The following UGT1A6 variants were observed in gnomAD, a reference collection of about 807,000 sequenced individuals.
The protein encoded by UGT1A6 is UDP glucuronosyltransferase family 1 member A6, also known as UDP-glucuronosyltransferase 1A6.
A neutral mutation model predicts 44.4 loss-of-function variants in UGT1A6; 32 were observed. The ratio of observed to expected loss-of-function variants is 0.72; its 90% confidence interval spans 0.54 to 0.97. The LOEUF (loss-of-function observed/expected upper bound fraction) is 0.97. Among genes scored for constraint, UGT1A6 ranks in the 50% least tolerant of loss-of-function variants. UGT1A6 has a pLI of 0.00. For synonymous variants in UGT1A6, 238 were observed against 248.5 expected, an observed-to-expected ratio of 0.96 and a Z score of 0.40; for missense variants, 685 against 661.9, an observed-to-expected ratio of 1.03 and a Z score of -0.38.
At chr2:233,760,651 A>G (rs1358018329) in intron 1 of UGT1A6, 1 of 1,614,196 alleles carries the variant, frequency 6.2e-7, no homozygotes, top group South Asian at 1.1e-5. Context: ...GGACTCTGCT[A>G]TGCTTTTGTC....
chr2:233,693,668 T>C lies in UGT1A6; in HGVS notation c.664T>C (p.Phe222Leu). ...FLVNLLEPYL[F>L]YCLFSKYEEL... ...TGTTAATTTGTTGGAGCCCTATCTA[T>C]TTTATTGTCTGTTTTCAAAGTATGA... Residue 222 changes from phenylalanine to leucine, a missense_variant, in exon 1 of 5, where the codon TTT (phenylalanine) becomes CTT (leucine). Transcript: ENST00000305139. The C allele has an allele frequency of 6.2e-7, 1 of 1,614,236 alleles. No individual in the cohort carries two copies. Among genetic ancestry groups the C allele is most frequent in the South Asian group, 1.1e-5 (1 of 91,086 alleles).
At chr2:233,743,758 G>C (rs761738753) in intron 1 of UGT1A6, 2 of 1,367,326 alleles carry the variant, frequency 1.5e-6, no homozygotes, top group African/African-American at 1.5e-5. Flanking sequence ...ACAACACCTC[G>C]TAGGCCTCGG....
Position 233,760,573 on chromosome 2 carries a change from G to A in UGT1A6, c.862-6461G>A, listed in dbSNP as rs1208621089. The A allele has an allele frequency of 1.1e-5, 18 of 1,614,052 alleles. No individual in the cohort carries two copies. The highest frequency in any genetic ancestry group is 2.7e-5 in the African/African-American group (2 of 74,912). ...TGTGAAAGAGTCTTTTGTTAGTCTC[G>A]GGCATAATGTTTTTGAGAATGATTC... On this transcript the variant is annotated intron_variant, in intron 1 of 4. Coordinates refer to ENST00000305139, the MANE Select transcript of UGT1A6 (RefSeq NM_001072.4).
At chr2:233,724,968 T>G (rs1288341370) in intron 1 of UGT1A6, among the ~76,000 whole-genome samples, 5 of 135,284 alleles carry the variant, frequency 3.7e-5, no homozygotes, top group Non-Finnish European at 8.0e-5. Context: ...AGGCCGAGGT[T>G]GGCGGATCAC....
intron 1 of UGT1A6, chr2:233,754,969 T>C: frequency 7.7e-7 from 1 of 1,302,646 alleles, no homozygotes; most frequent in African/African-American, 1.5e-5. Flanking sequence ...AAGAACTCCC[T>C]GAAGACCTCG....
At chr2:233,766,898 A>T in intron 1 of UGT1A6, 136 bp from the exon 2 acceptor site, 1 of 1,483,786 alleles carries the variant, frequency 6.7e-7, no homozygotes, top group Non-Finnish European at 8.9e-7. Flanking sequence ...ACATATTAAT[A>T]ATTTTTTACT....
intron 1 of UGT1A6, among the ~76,000 whole-genome samples, chr2:233,724,139 G>A (rs2077174817): frequency 8.1e-6 from 1 of 123,450 alleles, no homozygotes; most frequent in South Asian, 2.8e-4. Context: ...TCCCGGACGG[G>A]GCGGCTGGCC....
chr2:233,720,776 G>A (rs569960725), intron 1 of UGT1A6, among the ~76,000 whole-genome samples: 7 of 148,022 alleles, frequency 4.7e-5, no homozygotes, highest in Admixed American at 2.0e-4. Flanking sequence ...CCGGATCTCC[G>A]CTCACTGCAA....
rs1316565909 is a variant in UGT1A6, at chr2:233,767,035, A to G, written c.863A>G (p.Glu288Gly). 6.2e-7 allele frequency: 1 copy of G among 1,614,064 alleles called. No homozygotes were observed. The highest frequency in any genetic ancestry group is 1.7e-5 in the Admixed American group (1 of 60,022). ...NCKKRKDLSQ[E>G]FEAYINASGE... The stretch of plus-strand genomic sequence containing the variant: ...TGAAAATTTTTCTTCTGGCTCTAGG[A>G]ATTTGAAGCCTACATTAATGCTTCT... The change falls in exon 2 of 5, where the codon GAA (glutamate) becomes GGA (glycine). Residue 288 changes from glutamate to glycine, a missense_variant and splice_region_variant. Coordinates refer to ENST00000305139, the MANE Select transcript of UGT1A6 (RefSeq NM_001072.4).
At chr2:233,717,118 A>C (rs1390690022) in intron 1 of UGT1A6, among the ~76,000 whole-genome samples, 1 of 152,100 alleles carries the variant, frequency 6.6e-6, no homozygotes, top group Non-Finnish European at 1.5e-5. Context: ...ACACCACTAC[A>C]TGGAAATAGA....
intron 1 of UGT1A6, among the ~76,000 whole-genome samples, chr2:233,738,389 G>A (rs1690778060): frequency 6.6e-6 from 1 of 152,226 alleles, no homozygotes; most frequent in Non-Finnish European, 1.5e-5. Context: ...AAATGTGGAA[G>A]TGACTTGGAA....
At chr2:233,760,854 A>G (rs1484529222) in intron 1 of UGT1A6, 1 of 1,613,796 alleles carries the variant, frequency 6.2e-7, no homozygotes, top group Non-Finnish European at 8.5e-7. Context: ...GCCCCAACCC[A>G]TTCTCCTACG....
At chr2:233,706,564 T>A (rs2125604446) in intron 1 of UGT1A6, among the ~76,000 whole-genome samples, 1 of 152,250 alleles carries the variant, frequency 6.6e-6, no homozygotes, top group South Asian at 2.1e-4. Flanking sequence ...TCTCAAACCT[T>A]AGGGTAAGAG....
At chr2:233,746,742 CAAAGCAGAGATT>C (rs1462654911) in intron 1 of UGT1A6, among the ~76,000 whole-genome samples, 1 of 151,752 alleles carries the variant, frequency 6.6e-6, no homozygotes, top group East Asian at 1.9e-4. Context: ...GCTTTGGTTC[CAAAGCAGAGATT>C]AATTGGATTG....
chr2:233,760,863 C>A, intron 1 of UGT1A6: 1 of 1,614,134 alleles, frequency 6.2e-7, no homozygotes, highest in Non-Finnish European at 8.5e-7. Flanking sequence ...CATTCTCCTA[C>A]GTGCCCAGGC....
chr2:233,724,121 C>T (rs2077171215), intron 1 of UGT1A6, among the ~76,000 whole-genome samples: 1 of 117,216 alleles, frequency 8.5e-6, no homozygotes. Context: ...GCAGAGGCGC[C>T]CCTCACCTCC....
At position 233,769,722 on chromosome 2, in the gene UGT1A6, G is replaced by A. The variant is rs906143757; in HGVS notation, c.1301+1283G>A. ...AGATCAATGTTGGCTAGGCACCATG[G>A]CACACGCCTGTAGTCCCAGCCACTC... On this transcript the variant is annotated intron_variant, in intron 4 of 4. Coordinates refer to ENST00000305139, the MANE Select transcript of UGT1A6 (RefSeq NM_001072.4). The surrounding 1 kb of genome is among the most constrained non-coding windows in gnomAD (Gnocchi z 4.4). 8 of 1,484,822 alleles carry A rather than the reference G, an allele frequency of 5.4e-6. No individual in the cohort carries two copies. Among genetic ancestry groups the A allele is most frequent in the East Asian group, 5.0e-5 (2 of 40,322 alleles). 92.0% of individuals were successfully genotyped at this position (1,484,822 alleles called of 1,614,324 possible).
At chr2:233,743,532 G>T in intron 1 of UGT1A6, 1 of 1,367,232 alleles carries the variant, frequency 7.3e-7, no homozygotes, top group South Asian at 1.1e-5. Context: ...TTCCCCAGCA[G>T]TTCCTCTGAC....
chr2:233,695,036 G>A (rs2075254966), intron 1 of UGT1A6, among the ~76,000 whole-genome samples: 1 of 151,854 alleles, frequency 6.6e-6, no homozygotes, highest in Non-Finnish European at 1.5e-5. Flanking sequence ...ATACATTCTT[G>A]TTAACCATAG....
Sources: allele counts gnomAD v4.1 joint callset (sites outside exome capture counted in the v4.1 genomes callset), GRCh38; gene constraint gnomAD v4.1.1; non-coding constraint Gnocchi (gnomAD v3.1); transcripts MANE v1.5; gene names NCBI Gene and HGNC (gene_info 2026-07-23, HGNC 2026-07-21).